CADM2: variants seen among roughly 807,000 people sequenced by gnomAD.
The protein encoded by CADM2 is cell adhesion molecule 2.
CADM2 carries 12 observed loss-of-function variants against 49.8 expected under a neutral mutation model. The observed-to-expected ratio is 0.24, with a 90% confidence interval of 0.15 to 0.39. The LOEUF (loss-of-function observed/expected upper bound fraction) is 0.39. Among genes scored for constraint, CADM2 ranks in the 10% least tolerant of loss-of-function variants. The probability of loss-of-function intolerance (pLI) is 1.00; values close to 1 mark genes in which losing one functional copy is unlikely to be tolerated. For missense variants in CADM2, 378 were observed against 492.3 expected (o/e 0.77, Z 2.20); for synonymous variants, 214 against 175.4 (o/e 1.22, Z -1.74).
chr3:85,799,177 C>T (rs767267518), intron 2 of CADM2, among the ~76,000 whole-genome samples: 15 of 152,092 alleles, frequency 9.9e-5, no homozygotes, highest in African/African-American at 1.4e-4. Flanking sequence ...TGGGCTTAGA[C>T]GATGGGGTGT....
intron 1 of CADM2, among the ~76,000 whole-genome samples, chr3:85,062,886 C>T (rs866230061): frequency 4.0e-5 from 6 of 151,676 alleles, no homozygotes; most frequent in East Asian, 1.9e-4. Context: ...ATTTAATTAC[C>T]GTCTTTATTT....
rs182989836 is a variant in CADM2 at position 86,064,323 on chromosome 3, C to T, written c.971-1282C>T. Among the ~76,000 whole-genome samples the T allele has an allele frequency of 6.7e-3, 1,023 of 152,008 alleles. 5 individuals are homozygous for T. Among genetic ancestry groups the T allele is most frequent in the Middle Eastern group, 0.014 (4 of 290 alleles). ...TGCAGTGTTTGGTTTTTTGTCCTTG[C>T]GATAGTTTGCTGAGAATGATGGTTT... is the stretch of plus-strand genomic sequence containing the variant. On this transcript the variant is annotated intron_variant, in intron 8 of 9. Coordinates refer to ENST00000383699, the MANE Select transcript of CADM2 (RefSeq NM_001167675.2).
intron 1 of CADM2, among the ~76,000 whole-genome samples, chr3:85,676,329 T>C (rs1460454322): frequency 6.6e-6 from 1 of 152,198 alleles, no homozygotes; most frequent in Non-Finnish European, 1.5e-5. Context: ...TCGAATTCCA[T>C]TTGGCATAAA....
At chr3:85,222,542 C>T (rs1346290892) in intron 1 of CADM2, among the ~76,000 whole-genome samples, 1 of 152,136 alleles carries the variant, frequency 6.6e-6, no homozygotes, top group African/African-American at 2.4e-5. Flanking sequence ...TTGGCTTTCA[C>T]CTCTTTCGCT....
At chr3:85,176,422 A>G (rs2040789372) in intron 1 of CADM2, among the ~76,000 whole-genome samples, 1 of 152,228 alleles carries the variant, frequency 6.6e-6, no homozygotes, top group Non-Finnish European at 1.5e-5. Context: ...TTTTGAAATG[A>G]TAACTTTGAA....
intron 1 of CADM2, among the ~76,000 whole-genome samples, chr3:85,697,846 C>T (rs889924744): frequency 4.6e-5 from 7 of 152,020 alleles, no homozygotes; most frequent in South Asian, 2.1e-4. Context: ...CTTATGTAAG[C>T]GGGAAAAACA....
chr3:85,693,176 G>A (rs890490105), intron 1 of CADM2, among the ~76,000 whole-genome samples: 72 of 151,846 alleles, frequency 4.7e-4, no homozygotes, highest in Non-Finnish European at 1.6e-4. Flanking sequence ...ATGAACCCGG[G>A]AAGAGAAGGT....
chr3:85,730,855 T>C (rs1006725998), intron 2 of CADM2, among the ~76,000 whole-genome samples: 2 of 152,314 alleles, frequency 1.3e-5, no homozygotes, highest in African/African-American at 4.8e-5. Flanking sequence ...TTCTATGCTA[T>C]TTCTAGAATG....
intron 3 of CADM2, among the ~76,000 whole-genome samples, chr3:85,806,746 AAAACAAAACAAAC>A (rs1333644865): frequency 1.3e-5 from 2 of 151,072 alleles, no homozygotes; most frequent in South Asian, 2.1e-4. Flanking sequence ...AAAACAAAAC[AAAACAAAACAAAC>A]AAACAAAACA....
intron 1 of CADM2, among the ~76,000 whole-genome samples, chr3:85,115,514 A>G (rs1258198147): frequency 6.6e-6 from 1 of 152,212 alleles, no homozygotes; most frequent in East Asian, 1.9e-4. Context: ...CAGGAGGACT[A>G]GAATGAGACT....
chr3:85,357,916 C>T (rs2032009777), intron 1 of CADM2, among the ~76,000 whole-genome samples: 2 of 152,158 alleles, frequency 1.3e-5, no homozygotes, highest in Non-Finnish European at 2.9e-5. Flanking sequence ...CTAGCTGTAT[C>T]ATCAAATGGA....
chr3:85,653,506 G>T (rs781642170), intron 1 of CADM2, among the ~76,000 whole-genome samples: 3 of 151,782 alleles, frequency 2.0e-5, no homozygotes, highest in African/African-American at 7.3e-5. Flanking sequence ...ATAGGAACAT[G>T]GTGATTGCTT....
intron 8 of CADM2, among the ~76,000 whole-genome samples, chr3:86,058,709 A>AAAT (rs1370181682): frequency 6.6e-6 from 1 of 152,082 alleles, no homozygotes; most frequent in Non-Finnish European, 1.5e-5. Context: ...AAAATATTTT[A>AAAT]AATAAAATGA....
chr3:85,482,022 A>G (rs2039234482), intron 1 of CADM2, among the ~76,000 whole-genome samples: 1 of 151,754 alleles, frequency 6.6e-6, no homozygotes, highest in African/African-American at 2.4e-5. Context: ...CACAAGTGTA[A>G]AAGGGAGAAG....
At chr3:85,167,500 A>ACAAAATTC (rs1345000305) in intron 1 of CADM2, among the ~76,000 whole-genome samples, 27 of 152,264 alleles carry the variant, frequency 1.8e-4, no homozygotes, top group Middle Eastern at 6.8e-3. Context: ...AGTGCCAAAT[A>ACAAAATTC]CTTTGTAAGG....
chr3:85,561,508 A>T (rs2062094051), intron 1 of CADM2, among the ~76,000 whole-genome samples: 1 of 152,202 alleles, frequency 6.6e-6, no homozygotes, highest in Non-Finnish European at 1.5e-5. Flanking sequence ...CCGCTTTTTA[A>T]CAAAAATTAA....
intron 1 of CADM2, among the ~76,000 whole-genome samples, chr3:85,557,590 A>T (rs2061992577): frequency 6.6e-6 from 1 of 151,924 alleles, no homozygotes; most frequent in Non-Finnish European, 1.5e-5. Flanking sequence ...TATGGTTTTC[A>T]TAAAGGAGAT....
chr3:85,629,989 TTTATC>T (rs1283823114), intron 1 of CADM2, among the ~76,000 whole-genome samples: 1 of 152,014 alleles, frequency 6.6e-6, no homozygotes, highest in African/African-American at 2.4e-5. Context: ...AATTTTATCT[TTTATC>T]TGGTCTCTGT....
chr3:85,664,304 A>C (rs975019105), intron 1 of CADM2, among the ~76,000 whole-genome samples: 2 of 152,040 alleles, frequency 1.3e-5, no homozygotes, highest in East Asian at 3.9e-4. Context: ...ACCAGCAACC[A>C]CAAGTTCTAT....
Sources: gnomAD v4.1 joint callset for allele counts (sites outside exome capture counted in the v4.1 genomes callset) on GRCh38, gnomAD v4.1.1 for gene constraint, MANE v1.5 for transcripts, NCBI Gene and HGNC (gene_info 2026-07-23, HGNC 2026-07-21) for gene names.